The following PTPRD variants were observed in gnomAD, a reference collection of about 807,000 sequenced individuals.
PTPRD encodes receptor-type tyrosine-protein phosphatase delta.
Under a neutral mutation model 214.5 loss-of-function variants are expected in PTPRD, and 34 were observed. The observed-to-expected ratio is 0.16, with a 90% CI of 0.12 to 0.21. PTPRD has a LOEUF of 0.21. PTPRD is among the 10% of genes least tolerant of loss of function. The probability of loss-of-function intolerance (pLI) is 1.00; values close to 1 mark genes in which losing one functional copy is unlikely to be tolerated. For synonymous variants in PTPRD, 1,128 were observed against 845.7 expected, an observed-to-expected ratio of 1.33 and a Z score of -5.79; for missense variants, 2,545 against 2,398.7, an observed-to-expected ratio of 1.06 and a Z score of -1.27.
At chr9:9,725,246 G>C (rs1432926332) in intron 7 of PTPRD, among the ~76,000 whole-genome samples, 1 of 151,768 alleles carries the variant, frequency 6.6e-6, no homozygotes, top group Non-Finnish European at 1.5e-5. Context: ...TTCCCATGCT[G>C]TTCCCATGAT....
chr9:8,562,847 C>CTTT (rs200639197), intron 14 of PTPRD, among the ~76,000 whole-genome samples: 13 of 123,002 alleles, frequency 1.1e-4, no homozygotes, highest in African/African-American at 3.6e-4. Context: ...CAAAGATTTT[C>CTTT]TTTTTTTTTT....
rs142766918 is a variant in PTPRD, at chr9:10,095,731, T to C, written c.-544-61941A>G. Among the ~76,000 whole-genome samples the C allele has an allele frequency of 4.4e-3, 664 of 151,700 alleles. 3 individuals carry two copies. The highest frequency in any genetic ancestry group is 0.015 in the African/African-American group (636 of 41,484). On this transcript the variant is annotated intron_variant, in intron 3 of 45. Coordinates refer to ENST00000381196, the MANE Select transcript of PTPRD (RefSeq NM_002839.4). ...TAATTAGCCATAATTACTCTTTACATGAGTTATTATCAATGGCATTAATTT... is the reference window on the plus strand; with the variant it reads ...TAATTAGCCATAATTACTCTTTACACGAGTTATTATCAATGGCATTAATTT...
At chr9:8,554,048 C>T (rs1015058884) in intron 14 of PTPRD, among the ~76,000 whole-genome samples, 2 of 151,992 alleles carry the variant, frequency 1.3e-5, no homozygotes, top group Non-Finnish European at 2.9e-5. Flanking sequence ...ATTAGCCGGG[C>T]GTGGTATTGC....
chr9:8,446,064 C>T (rs1027023409), intron 34 of PTPRD, among the ~76,000 whole-genome samples: 8 of 152,256 alleles, frequency 5.3e-5, no homozygotes, highest in Middle Eastern at 3.4e-3. Context: ...AAGCAATGTT[C>T]CTCTCCACAC....
chr9:9,074,942 C>T (rs911751562), intron 10 of PTPRD, among the ~76,000 whole-genome samples: 10 of 149,588 alleles, frequency 6.7e-5, no homozygotes, highest in African/African-American at 2.4e-4. Flanking sequence ...CTATCATGTA[C>T]CTTATCACAG....
At chr9:10,164,905 A>C (rs1255097061) in intron 3 of PTPRD, among the ~76,000 whole-genome samples, 4 of 151,452 alleles carry the variant, frequency 2.6e-5, no homozygotes, top group African/African-American at 9.7e-5. Context: ...AAAAAAAAAA[A>C]AGACAATAGC....
chr9:10,097,926 T>G (rs1042426990), intron 3 of PTPRD, among the ~76,000 whole-genome samples: 1 of 151,774 alleles, frequency 6.6e-6, no homozygotes, highest in African/African-American at 2.4e-5. Context: ...ATTGTGGAAG[T>G]CGGTGTAGCG....
rs3215099 is a variant in PTPRD, at chr9:8,316,910, G to GTATC, written c.*960_*963dup. On this transcript the variant is annotated 3_prime_UTR_variant, in exon 46 of 46. Transcript: ENST00000381196. ...TGGAAGAACTGACTGACTGATAACTGTATCTATTTTTTGTGTGGACACACT... is the reference window on the plus strand; with the variant it reads ...TGGAAGAACTGACTGACTGATAACTGTATCTATCTATTTTTTGTGTGGACACACT... The GTATC allele has an allele frequency of 1.6e-4, 37 of 230,118 alleles. No individual in the cohort carries two copies. The highest frequency in any genetic ancestry group is 2.8e-4 in the Non-Finnish European group (32 of 115,948). 14.3% of individuals were successfully genotyped at this position (230,118 alleles called of 1,614,324 possible). A position where few individuals can be genotyped will look rare whatever the true frequency, so the allele number is the denominator to read the frequency against.
chr9:8,492,303 T>G (rs992262468), intron 27 of PTPRD, among the ~76,000 whole-genome samples: 14 of 152,108 alleles, frequency 9.2e-5, no homozygotes, highest in African/African-American at 3.4e-4. Flanking sequence ...GTTGCTTGAC[T>G]TCCCTGCCCA....
chr9:8,631,923 G>A (rs1408782560), intron 14 of PTPRD, among the ~76,000 whole-genome samples: 2 of 151,958 alleles, frequency 1.3e-5, no homozygotes, highest in Non-Finnish European at 1.5e-5. Flanking sequence ...CACCAACCTA[G>A]CTTGTCATAA....
At chr9:10,253,568 A>C (rs2154370779) in intron 3 of PTPRD, among the ~76,000 whole-genome samples, 1 of 152,306 alleles carries the variant, frequency 6.6e-6, no homozygotes, top group Admixed American at 6.5e-5. Context: ...TCAAGATGCT[A>C]ATTATAATTG....
chr9:8,372,781 T>C (rs1445133940), intron 39 of PTPRD, among the ~76,000 whole-genome samples: 2 of 152,048 alleles, frequency 1.3e-5, no homozygotes, highest in Non-Finnish European at 1.5e-5. Context: ...TTTTACTTAA[T>C]GGCTCATTTT....
chr9:9,583,679 T>C (rs1231702794), intron 7 of PTPRD, among the ~76,000 whole-genome samples: 1 of 152,092 alleles, frequency 6.6e-6, no homozygotes, highest in Non-Finnish European at 1.5e-5. Flanking sequence ...TGTAAGTCCA[T>C]GTGAAAGTTC....
At chr9:10,401,522 A>T (rs915490594) in intron 2 of PTPRD, among the ~76,000 whole-genome samples, 7 of 150,898 alleles carry the variant, frequency 4.6e-5, no homozygotes, top group African/African-American at 1.7e-4. Flanking sequence ...GTATGTAAAC[A>T]GGTATATATA....
intron 11 of PTPRD, among the ~76,000 whole-genome samples, chr9:8,941,750 G>T (rs1294702115): frequency 6.6e-6 from 1 of 152,060 alleles, no homozygotes; most frequent in East Asian, 1.9e-4. Flanking sequence ...TTCATCAAGG[G>T]CTTTTAAGTA....
intron 11 of PTPRD, among the ~76,000 whole-genome samples, chr9:8,914,492 T>G (rs2098770908): frequency 1.3e-5 from 2 of 152,224 alleles, no homozygotes; most frequent in Admixed American, 6.5e-5. Context: ...TATTTAAAAC[T>G]TACTCTTTAA....
chr9:9,960,550 A>G (rs1041743364), intron 4 of PTPRD, among the ~76,000 whole-genome samples: 11 of 152,234 alleles, frequency 7.2e-5, no homozygotes, highest in Admixed American at 2.0e-4. Context: ...TCAATATGAT[A>G]GCATGATAGC....
intron 12 of PTPRD, among the ~76,000 whole-genome samples, chr9:8,640,290 A>G (rs1172099614): frequency 4.6e-5 from 7 of 152,120 alleles, no homozygotes; most frequent in Admixed American, 4.6e-4. Context: ...CAGAGGTTGC[A>G]GTGAGCCGAG....
chr9:9,147,075 A>G (rs1310608357), intron 10 of PTPRD, among the ~76,000 whole-genome samples: 1 of 152,186 alleles, frequency 6.6e-6, no homozygotes, highest in Non-Finnish European at 1.5e-5. Flanking sequence ...ATAAGTTAGT[A>G]CATTACAAGT....
Sources: gnomAD v4.1 joint callset for allele counts (sites outside exome capture counted in the v4.1 genomes callset) on GRCh38, gnomAD v4.1.1 for gene constraint, MANE v1.5 for transcripts, NCBI Gene and HGNC (gene_info 2026-07-23, HGNC 2026-07-21) for gene names.